The following BCKDHB variants were observed in gnomAD, a reference collection of about 807,000 sequenced individuals.
The protein encoded by BCKDHB is 2-oxoisovalerate dehydrogenase subunit beta, mitochondrial.
A neutral mutation model predicts 48.5 loss-of-function variants in BCKDHB; 41 were observed. The ratio of observed to expected loss-of-function variants is 0.85; its 90% CI spans 0.66 to 1.10. BCKDHB has a LOEUF of 1.10. Among genes scored for constraint, BCKDHB ranks in the 50% least tolerant of loss-of-function variants. The pLI, the probability that BCKDHB is intolerant of heterozygous loss-of-function variation, is 0.00. For synonymous variants in BCKDHB, 201 were observed against 174.8 expected (o/e 1.15, Z -1.18); for missense variants, 496 against 494.2 (o/e 1.00, Z -0.03).
the BCKDHB span, among the ~76,000 whole-genome samples, chr6:80,393,866 T>G: frequency 1.2e-4 from 18 of 152,222 alleles, no homozygotes; most frequent in African/African-American, 4.3e-4. Flanking sequence ...AGAGCTTATT[T>G]TCCAGGTGCT....
chr6:80,419,938 A>G, the BCKDHB span, among the ~76,000 whole-genome samples: 1 of 152,130 alleles, frequency 6.6e-6, no homozygotes, highest in African/African-American at 2.4e-5. Context: ...AAAGCTCTCT[A>G]ATAAAATTTT....
intron 3 of BCKDHB, among the ~76,000 whole-genome samples, chr6:80,164,356 T>C (rs1772470701): frequency 6.6e-6 from 1 of 152,202 alleles, no homozygotes; most frequent in Admixed American, 6.5e-5. Context: ...CCAGAATATT[T>C]ATTCTCTCAG....
At chr6:80,223,740 C>T (rs1775561351) in intron 8 of BCKDHB, among the ~76,000 whole-genome samples, 1 of 152,166 alleles carries the variant, frequency 6.6e-6, no homozygotes, top group African/African-American at 2.4e-5. Context: ...AGTAACAGTA[C>T]TGCAAATCCC....
chr6:80,160,669 A>G (rs1374848970), intron 3 of BCKDHB, among the ~76,000 whole-genome samples: 1 of 152,244 alleles, frequency 6.6e-6, no homozygotes, highest in Non-Finnish European at 1.5e-5. Flanking sequence ...CCAGTGATGT[A>G]GAACTTCTTA....
At chr6:80,399,868 T>C in the BCKDHB span, among the ~76,000 whole-genome samples, 1 of 151,978 alleles carries the variant, frequency 6.6e-6, no homozygotes, top group East Asian at 1.9e-4. Flanking sequence ...CAACATGGTA[T>C]TGGTACAAAA....
Position 80,191,338 on chromosome 6 carries a change from C to T in BCKDHB, c.743-9596C>T, listed in dbSNP as rs551782089. Among the ~76,000 whole-genome samples the T allele has an allele frequency of 8.1e-4, 123 of 152,194 alleles. 1 individual carries two copies. The East Asian group carries it at 0.017, about 21-fold the overall frequency. On this transcript the variant is annotated intron_variant, in intron 6 of 9. Coordinates refer to ENST00000320393, the MANE Select transcript of BCKDHB (RefSeq NM_183050.4). ...GTGTCCCAGTGACTTTTTCTGTCTC[C>T]TCTGCATTTAGGAAGTCAGTGGACA...
chr6:80,263,797 T>C (rs1174723251), intron 8 of BCKDHB, among the ~76,000 whole-genome samples: 3 of 152,062 alleles, frequency 2.0e-5, no homozygotes, highest in African/African-American at 7.2e-5. Context: ...GCTGACAATC[T>C]TGGTTTTGGT....
intron 6 of BCKDHB, among the ~76,000 whole-genome samples, chr6:80,199,897 C>T (rs986825731): frequency 4.0e-5 from 6 of 149,830 alleles, no homozygotes; most frequent in Non-Finnish European, 7.4e-5. Flanking sequence ...CATGGTGAAA[C>T]CCCATCTCTA....
chr6:80,406,938 T>A, the BCKDHB span, among the ~76,000 whole-genome samples: 1 of 152,242 alleles, frequency 6.6e-6, no homozygotes, highest in East Asian at 1.9e-4. Context: ...CCCATGCCTA[T>A]GTCCTGAATA....
intron 8 of BCKDHB, among the ~76,000 whole-genome samples, chr6:80,224,898 G>A (rs575604084): frequency 7.9e-5 from 12 of 152,298 alleles, no homozygotes; most frequent in African/African-American, 2.9e-4. Flanking sequence ...CTGACAGATG[G>A]TTGCTGAGCA....
At position 80,264,410 on chromosome 6, in the gene BCKDHB, CA is replaced by C. The variant is rs1241064465; in HGVS notation, c.952-8724del. Among the ~76,000 whole-genome samples, 3 of 152,138 alleles carry C rather than the reference CA, an allele frequency of 2.0e-5. No homozygotes were observed. The East Asian group carries it at 5.8e-4, about 29-fold the overall frequency. On this transcript the variant is annotated intron_variant, in intron 8 of 9. Transcript: ENST00000320393. ...ATAATGTTCAAATTTTCTTATTTGGCATTATTTATCTCCTAATTACTGGCAC... is the reference window on the plus strand; with the variant it reads ...ATAATGTTCAAATTTTCTTATTTGGCTTATTTATCTCCTAATTACTGGCAC...
intron 9 of BCKDHB, among the ~76,000 whole-genome samples, chr6:80,273,544 T>A (rs1427917264): frequency 6.6e-6 from 1 of 152,058 alleles, no homozygotes; most frequent in Non-Finnish European, 1.5e-5. Context: ...GAAAGAAAAA[T>A]CTTTTTAATT....
At chr6:80,281,139 A>G (rs1299589045) in intron 9 of BCKDHB, among the ~76,000 whole-genome samples, 1 of 152,046 alleles carries the variant, frequency 6.6e-6, no homozygotes, top group East Asian at 1.9e-4. Context: ...GGTGTAGGAA[A>G]TGGGTAAGGA....
intron 1 of BCKDHB, among the ~76,000 whole-genome samples, chr6:80,107,559 A>G (rs974200202): frequency 8.4e-5 from 8 of 95,154 alleles, no homozygotes; most frequent in Admixed American, 6.3e-4. Flanking sequence ...ATATATATGC[A>G]TATATATATG....
the BCKDHB span, among the ~76,000 whole-genome samples, chr6:80,439,372 T>C: frequency 6.6e-6 from 1 of 152,144 alleles, no homozygotes; most frequent in Non-Finnish European, 1.5e-5. Flanking sequence ...AAGATAGAAA[T>C]TGACATATTC....
chr6:80,411,383 A>G, the BCKDHB span, among the ~76,000 whole-genome samples: 2 of 152,300 alleles, frequency 1.3e-5, no homozygotes, highest in East Asian at 3.9e-4. Context: ...ATCAGCCCCT[A>G]CTGGGAGGTG....
intron 9 of BCKDHB, among the ~76,000 whole-genome samples, chr6:80,293,655 C>T (rs1047836588): frequency 4.6e-5 from 7 of 152,292 alleles, no homozygotes; most frequent in Middle Eastern, 3.4e-3. Context: ...GAATTTCTCC[C>T]CAGGAAATGG....
At chr6:80,220,428 A>ATTTTTT in intron 8 of BCKDHB, among the ~76,000 whole-genome samples, 1 of 56,116 alleles carries the variant, frequency 1.8e-5, no homozygotes, top group Non-Finnish European at 3.7e-5. Context: ...TTTTTTGGTC[A>ATTTTTT]TAGTTCTTTT....
chr6:80,355,939 C>A, the BCKDHB span: 1 of 152,224 alleles, frequency 6.6e-6, no homozygotes, highest in Admixed American at 6.5e-5. Context: ...CTTATTCTCT[C>A]TGGAGGTAGA....
Sources: gnomAD v4.1 joint callset for allele counts (sites outside exome capture counted in the v4.1 genomes callset) on GRCh38, gnomAD v4.1.1 for gene constraint, MANE v1.5 for transcripts, NCBI Gene and HGNC (gene_info 2026-07-23, HGNC 2026-07-21) for gene names.